Variants in SMYD3 observed in about 807,000 individuals in gnomAD.
SMYD3 encodes SET and MYND domain containing 3, also known as histone-lysine N-methyltransferase SMYD3.
In SMYD3, 36 loss-of-function variants were observed where a neutral mutation model predicts 57.7. The observed-to-expected ratio is 0.62, with a 90% CI of 0.48 to 0.82. The LOEUF (loss-of-function observed/expected upper bound fraction) is 0.82, where lower values mean the gene tolerates loss of function less well. SMYD3 is among the 40% of genes least tolerant of loss of function. The probability of loss-of-function intolerance (pLI) is 0.00; values close to 1 mark genes in which losing one functional copy is unlikely to be tolerated. For synonymous variants in SMYD3, 211 were observed against 195.0 expected (o/e 1.08, Z -0.68); for missense variants, 515 against 538.8 (o/e 0.96, Z 0.44).
intron 5 of SMYD3, among the ~76,000 whole-genome samples, chr1:245,988,214 C>G (rs927173918): frequency 6.6e-6 from 1 of 152,104 alleles, no homozygotes; most frequent in Admixed American, 6.6e-5. Flanking sequence ...AACAGAGCTT[C>G]CCAAATGGAG....
At chr1:246,049,974 C>G (rs2148322699) in intron 5 of SMYD3, among the ~76,000 whole-genome samples, 1 of 152,092 alleles carries the variant, frequency 6.6e-6, no homozygotes, top group East Asian at 1.9e-4. Context: ...CAAAAGTAAA[C>G]AGAAGTTGAC....
At chr1:245,788,291 G>A (rs1430219687) in intron 10 of SMYD3, among the ~76,000 whole-genome samples, 1 of 152,198 alleles carries the variant, frequency 6.6e-6, no homozygotes, top group Non-Finnish European at 1.5e-5. Context: ...GATTAGCACA[G>A]GGAACAGGGC....
chr1:246,206,473 G>A, intron 5 of SMYD3, among the ~76,000 whole-genome samples: 1 of 151,860 alleles, frequency 6.6e-6, no homozygotes, highest in East Asian at 1.9e-4. Flanking sequence ...GGGTCATATG[G>A]AATGTTCTAG....
chr1:245,912,550 C>A (rs1426018841), intron 8 of SMYD3, among the ~76,000 whole-genome samples: 1 of 152,058 alleles, frequency 6.6e-6, no homozygotes, highest in East Asian at 1.9e-4. Context: ...ATAGCCAAGG[C>A]AATACCGAGC....
chr1:246,300,051 T>A (rs1057424923), intron 5 of SMYD3, among the ~76,000 whole-genome samples: 2 of 151,338 alleles, frequency 1.3e-5, no homozygotes, highest in African/African-American at 4.9e-5. Flanking sequence ...AAGTTTAACA[T>A]GTTCATACAA....
At chr1:245,897,336 A>G (rs1439737247) in intron 8 of SMYD3, among the ~76,000 whole-genome samples, 1 of 152,194 alleles carries the variant, frequency 6.6e-6, no homozygotes, top group Non-Finnish European at 1.5e-5. Flanking sequence ...GCAAGAGAGG[A>G]AAGGGGTACC....
chr1:246,417,032 G>A (rs1019260963), intron 1 of SMYD3, among the ~76,000 whole-genome samples: 8 of 152,120 alleles, frequency 5.3e-5, no homozygotes, highest in African/African-American at 1.4e-4. Context: ...GACATTACCC[G>A]AGAGACTTCA....
At chr1:246,325,046 G>GA (rs1181445145) in intron 5 of SMYD3, among the ~76,000 whole-genome samples, 1 of 67,188 alleles carries the variant, frequency 1.5e-5, no homozygotes, top group African/African-American at 7.0e-5. Context: ...GGAGTCGGGG[G>GA]GCAGGAAGGA....
At chr1:246,455,092 T>C (rs1044409934) in intron 1 of SMYD3, among the ~76,000 whole-genome samples, 2 of 152,278 alleles carry the variant, frequency 1.3e-5, no homozygotes, top group African/African-American at 2.4e-5. Flanking sequence ...TAATAAGACA[T>C]AGACCCAGCA....
intron 1 of SMYD3, among the ~76,000 whole-genome samples, chr1:246,393,740 C>T (rs1158992108): frequency 2.0e-5 from 3 of 151,352 alleles, no homozygotes; most frequent in African/African-American, 7.3e-5. Flanking sequence ...CCTGTTATCC[C>T]AGCTACTTGG....
At chr1:246,336,334 C>A (rs998783670) in intron 2 of SMYD3, among the ~76,000 whole-genome samples, 1 of 152,204 alleles carries the variant, frequency 6.6e-6, no homozygotes, top group African/African-American at 2.4e-5. Context: ...GAAGAAGCCT[C>A]AATCAAATGT....
chr1:246,073,175 C>T lies in SMYD3; in HGVS notation c.532-143238G>A, dbSNP rs558982418. ...ATAAATACAGTTTGTCTGTTCATAG[C>T]TATAATAGCTGAGTGACTCCCATTA... On this transcript the variant is annotated intron_variant, in intron 5 of 11. Transcript: ENST00000490107. 2.6e-5 allele frequency among the ~76,000 whole-genome samples: 4 copies of T among 152,244 alleles called. No individual in the cohort carries two copies. The South Asian group carries it at 8.3e-4, about 32-fold the overall frequency.
At chr1:246,493,130 T>C (rs966885195) in intron 1 of SMYD3, among the ~76,000 whole-genome samples, 2 of 151,436 alleles carry the variant, frequency 1.3e-5, no homozygotes, top group Non-Finnish European at 2.9e-5. Flanking sequence ...AATGGTATGG[T>C]ATATGAGTTA....
chr1:245,846,793 T>C (rs2050687880), intron 10 of SMYD3, among the ~76,000 whole-genome samples: 1 of 152,252 alleles, frequency 6.6e-6, no homozygotes. Context: ...TGCTAACCAA[T>C]AGCTGGCAGA....
intron 10 of SMYD3, among the ~76,000 whole-genome samples, chr1:245,786,213 C>CAGG (rs2047035540): frequency 9.6e-6 from 1 of 104,040 alleles, no homozygotes. Flanking sequence ...GGGGTGTGGA[C>CAGG]GGGGGGGGGA....
chr1:246,431,514 G>GA (rs1395009547), intron 1 of SMYD3, among the ~76,000 whole-genome samples: 1 of 152,164 alleles, frequency 6.6e-6, no homozygotes, highest in Non-Finnish European at 1.5e-5. Context: ...TGGATGGCTT[G>GA]AAGCCAGGAG....
intron 10 of SMYD3, among the ~76,000 whole-genome samples, chr1:245,783,455 A>G (rs143905227): frequency 8.1e-4 from 123 of 152,298 alleles, no homozygotes; most frequent in African/African-American, 2.8e-3. Flanking sequence ...GCAAACATTA[A>G]TGCTGAATGC....
At chr1:246,493,571 A>T (rs1280906953) in intron 1 of SMYD3, among the ~76,000 whole-genome samples, 2 of 152,206 alleles carry the variant, frequency 1.3e-5, no homozygotes, top group Admixed American at 6.5e-5. Flanking sequence ...CTTAAGCTTG[A>T]TCCTCAGCAA....
chr1:246,252,662 C>T (rs76405703), intron 5 of SMYD3, among the ~76,000 whole-genome samples: 4 of 152,266 alleles, frequency 2.6e-5, no homozygotes, highest in Admixed American at 2.6e-4. Context: ...GTTCTAAAGA[C>T]GTCTGTCCTG....
Sources: allele counts gnomAD v4.1 joint callset (sites outside exome capture counted in the v4.1 genomes callset), GRCh38; gene constraint gnomAD v4.1.1; transcripts MANE v1.5; gene names NCBI Gene and HGNC (gene_info 2026-07-23, HGNC 2026-07-21).